The following PPP1R1C variants were observed in gnomAD, a reference collection of about 807,000 sequenced individuals.
The protein encoded by PPP1R1C is protein phosphatase 1 regulatory inhibitor subunit 1C.
A neutral mutation model predicts 17.4 loss-of-function variants in PPP1R1C; 15 were observed. The observed-to-expected ratio is 0.86, with a 90% CI of 0.58 to 1.33. The LOEUF (loss-of-function observed/expected upper bound fraction) is 1.33. Ranked by LOEUF, PPP1R1C falls within the 40% of genes most tolerant of loss-of-function variation. PPP1R1C has a pLI of 0.00. For missense variants in PPP1R1C, 143 were observed against 130.0 expected (o/e 1.10, Z -0.48); for synonymous variants, 35 against 43.1 (o/e 0.81, Z 0.73).
At chr2:181,984,836 G>C (rs1685258857), upstream of PPP1R1C, among the ~76,000 whole-genome samples, 1 of 152,132 alleles carries the variant, frequency 6.6e-6, no homozygotes, top group Non-Finnish European at 1.5e-5. Context: ...CAAGAAAGCA[G>C]AGATCTCAAG....
chr2:182,094,091 C>T (rs2125223091), intron 4 of PPP1R1C, among the ~76,000 whole-genome samples: 1 of 152,234 alleles, frequency 6.6e-6, no homozygotes, highest in East Asian at 1.9e-4. Flanking sequence ...CTTCAGTAGG[C>T]TAGTCATTAT....
At chr2:182,007,596 C>G (rs1450604975) in intron 2 of PPP1R1C, among the ~76,000 whole-genome samples, 1 of 152,148 alleles carries the variant, frequency 6.6e-6, no homozygotes, top group African/African-American at 2.4e-5. Context: ...GTCCTGACTT[C>G]CACTAACCAA....
At chr2:182,068,555 G>A (rs1559079955) in intron 4 of PPP1R1C, among the ~76,000 whole-genome samples, 1 of 152,168 alleles carries the variant, frequency 6.6e-6, no homozygotes, top group African/African-American at 2.4e-5. Flanking sequence ...CTAAGCCTCA[G>A]GTCGGCGTGT....
chr2:182,092,157 AG>A (rs1269687786), intron 4 of PPP1R1C, among the ~76,000 whole-genome samples: 1 of 152,114 alleles, frequency 6.6e-6, no homozygotes, highest in Non-Finnish European at 1.5e-5. Context: ...AATTTACAAA[AG>A]AAAGAGGTTT....
chr2:181,994,530 C>T (rs563516271), intron 2 of PPP1R1C, among the ~76,000 whole-genome samples: 5 of 152,248 alleles, frequency 3.3e-5, no homozygotes, highest in South Asian at 4.1e-4. Context: ...GTCTTTTTCA[C>T]GAATTTCTCT....
At chr2:181,973,297 C>T (rs892555524) in intron 1 of PPP1R1C, among the ~76,000 whole-genome samples, 5 of 152,006 alleles carry the variant, frequency 3.3e-5, no homozygotes, top group East Asian at 1.9e-4. Context: ...TTTAATGCTC[C>T]GTTATTTGTA....
At chr2:182,056,515 C>T (rs1687688968) in intron 2 of PPP1R1C, among the ~76,000 whole-genome samples, 1 of 152,150 alleles carries the variant, frequency 6.6e-6, no homozygotes, top group African/African-American at 2.4e-5. Flanking sequence ...TTCCACTAAA[C>T]TGACTTTTTT....
intron 5 of PPP1R1C, among the ~76,000 whole-genome samples, chr2:182,124,314 G>GTTTTTTTTTTTTTTTTTTTTTTTTTTTT: frequency 2.4e-5 from 1 of 42,098 alleles, no homozygotes; most frequent in Non-Finnish European, 5.9e-5. Flanking sequence ...GTTTTTTTTT[G>GTTTTTTTTTTTTTTTTTTTTTTTTTTTT]TTTTTTTTTT....
chr2:182,001,997 G>T (rs1360075734), intron 2 of PPP1R1C, among the ~76,000 whole-genome samples: 1 of 152,072 alleles, frequency 6.6e-6, no homozygotes, highest in African/African-American at 2.4e-5. Context: ...GACTGAGTCA[G>T]ATAAGATTAT....
At chr2:182,088,306 A>C (rs538201386) in intron 4 of PPP1R1C, among the ~76,000 whole-genome samples, 2 of 152,304 alleles carry the variant, frequency 1.3e-5, no homozygotes, top group East Asian at 3.9e-4. Context: ...GGCCTTTACT[A>C]TCAGTAGATT....
At chr2:181,959,469 T>G (rs977412670) in intron 1 of PPP1R1C, among the ~76,000 whole-genome samples, 1 of 152,250 alleles carries the variant, frequency 6.6e-6, no homozygotes, top group African/African-American at 2.4e-5. Context: ...CAAAGTTTCA[T>G]GCTACATAAC....
At chr2:182,032,479 G>T (rs938923339) in intron 2 of PPP1R1C, among the ~76,000 whole-genome samples, 1 of 152,106 alleles carries the variant, frequency 6.6e-6, no homozygotes, top group Non-Finnish European at 1.5e-5. Flanking sequence ...AAGGGGAAAA[G>T]ATCTTTGTCA....
chr2:182,000,323 A>C (rs1286624874), intron 2 of PPP1R1C, among the ~76,000 whole-genome samples: 3 of 152,132 alleles, frequency 2.0e-5, no homozygotes, highest in Non-Finnish European at 4.4e-5. Context: ...AGTGTGGGGA[A>C]AGGTGATTGT....
chr2:181,980,927 GTTTT>G (rs34675053), upstream of PPP1R1C, among the ~76,000 whole-genome samples: 1 of 135,742 alleles, frequency 7.4e-6, no homozygotes. Context: ...ATAAGGAGAA[GTTTT>G]TTTTTTTTTT....
intron 4 of PPP1R1C, among the ~76,000 whole-genome samples, chr2:182,106,883 G>T (rs77985243): frequency 0.017 from 2,521 of 152,272 alleles, 37 homozygotes; most frequent in South Asian, 0.056. Flanking sequence ...CCCCATAGAG[G>T]TTTGAGCAGG....
intron 5 of PPP1R1C, among the ~76,000 whole-genome samples, chr2:182,123,214 G>T (rs181601854): frequency 6.6e-6 from 1 of 152,252 alleles, no homozygotes; most frequent in Non-Finnish European, 1.5e-5. Flanking sequence ...AGTATTCCAT[G>T]GTGTATATGT....
intron 2 of PPP1R1C, among the ~76,000 whole-genome samples, chr2:181,979,389 T>C (rs1685153728): frequency 6.6e-6 from 1 of 152,214 alleles, no homozygotes. Flanking sequence ...TATTTGAGGC[T>C]TTTTTTCATT....
At chr2:182,033,854 A>G (rs1686919823) in intron 2 of PPP1R1C, among the ~76,000 whole-genome samples, 2 of 152,200 alleles carry the variant, frequency 1.3e-5, no homozygotes, top group Admixed American at 1.3e-4. Context: ...CCTTACGCTA[A>G]ATCGCTTTGA....
intron 2 of PPP1R1C, among the ~76,000 whole-genome samples, chr2:181,996,155 G>A (rs1685606323): frequency 6.6e-6 from 1 of 152,178 alleles, no homozygotes; most frequent in Non-Finnish European, 1.5e-5. Context: ...CATACTACCT[G>A]AAATCTTACC....
Sources: gnomAD v4.1 joint callset for allele counts (sites outside exome capture counted in the v4.1 genomes callset) on GRCh38, gnomAD v4.1.1 for gene constraint, MANE v1.5 for transcripts, NCBI Gene and HGNC (gene_info 2026-07-23, HGNC 2026-07-21) for gene names.